The following OTUB1 variants were observed in gnomAD, a reference collection of about 807,000 sequenced individuals.
The protein encoded by OTUB1 is OTU deubiquitinase, ubiquitin aldehyde binding 1.
A neutral mutation model predicts 35.8 loss-of-function variants in OTUB1; 10 were observed. The ratio of observed to expected loss-of-function variants is 0.28; its 90% CI spans 0.17 to 0.47. The LOEUF (loss-of-function observed/expected upper bound fraction) is 0.47. OTUB1 is among the 20% of genes least tolerant of loss of function. The pLI is 0.99. For synonymous variants in OTUB1, 158 were observed against 143.8 expected, an observed-to-expected ratio of 1.10 and a Z score of -0.71; for missense variants, 264 against 351.6, an observed-to-expected ratio of 0.75 and a Z score of 1.99.
In OTUB1 at chr11:63,997,662, G is replaced by T. The variant is rs781187157; in HGVS notation, c.*116G>T. On this transcript the variant is annotated 3_prime_UTR_variant, in exon 7 of 7. Transcript: ENST00000538426. ...TTTCACCCCCTTCTTCCTGTCACAT[G>T]ACCCCCCCCCATGTTTTATTAAAGG... is the stretch of plus-strand genomic sequence containing the variant. The T allele has an allele frequency of 2.5e-6, 2 of 815,416 alleles. No homozygotes were observed. The highest frequency in any genetic ancestry group is 3.9e-5 in the Admixed American group (2 of 50,706). 50.5% of individuals were successfully genotyped at this position (815,416 alleles called of 1,614,324 possible).
At chr11:63,996,981 G>A (rs370557462) in intron 5 of OTUB1, 40 bp downstream of exon 5, 51 of 1,613,008 alleles carry the variant, frequency 3.2e-5, no homozygotes, top group African/African-American at 2.7e-4. Flanking sequence ...CCATGGGGGA[G>A]GGGTTCACCT....
intron 3 of OTUB1, among the ~76,000 whole-genome samples, chr11:63,990,916 A>AG (rs1223625120): frequency 1.3e-5 from 2 of 152,208 alleles, no homozygotes; most frequent in Non-Finnish European, 2.9e-5. Flanking sequence ...GAGAAGCCAG[A>AG]GGTAACCACA....
At chr11:63,991,421 A>T (rs992101263) in intron 3 of OTUB1, among the ~76,000 whole-genome samples, 1 of 152,198 alleles carries the variant, frequency 6.6e-6, no homozygotes, top group Non-Finnish European at 1.5e-5. Context: ...GCTGGGCCCC[A>T]GGTTCTTCCC....
intron 3 of OTUB1, among the ~76,000 whole-genome samples, chr11:63,992,660 C>T (rs1590780366): frequency 1.3e-5 from 2 of 152,162 alleles, no homozygotes; most frequent in Non-Finnish European, 2.9e-5. Context: ...AAGCAATTCT[C>T]CTGCCTCAGC....
chr11:63,993,797 A>C (rs527244612), intron 3 of OTUB1, among the ~76,000 whole-genome samples: 4 of 152,164 alleles, frequency 2.6e-5, no homozygotes, highest in Non-Finnish European at 4.4e-5. Flanking sequence ...GGCCTCCCAA[A>C]ACACTGGGAT....
intron 3 of OTUB1, among the ~76,000 whole-genome samples, chr11:63,995,492 A>G (rs1024123837): frequency 2.6e-5 from 4 of 151,968 alleles, no homozygotes; most frequent in Non-Finnish European, 5.9e-5. Flanking sequence ...CATCGCGCCC[A>G]GCCACTTATT....
At chr11:63,986,706 G>A in intron 1 of OTUB1, 192 bp downstream of exon 1, 1 of 561,614 alleles carries the variant, frequency 1.8e-6, no homozygotes, top group Non-Finnish European at 3.1e-6. Context: ...CCGGCCGGGA[G>A]GGAGCACGGG....
At chr11:63,994,321 C>A (rs995657697) in intron 3 of OTUB1, among the ~76,000 whole-genome samples, 2 of 152,086 alleles carry the variant, frequency 1.3e-5, no homozygotes, top group South Asian at 4.1e-4. Context: ...GGAGCGATCT[C>A]GGCTCACTGC....
intron 3 of OTUB1, among the ~76,000 whole-genome samples, chr11:63,992,978 G>A (rs780347353): frequency 2.6e-5 from 4 of 152,206 alleles, no homozygotes; most frequent in African/African-American, 9.6e-5. Flanking sequence ...GGGCCATCAC[G>A]CCAAGCCGAC....
chr11:63,989,833 G>A (rs1378802913), intron 3 of OTUB1: 1 of 151,794 alleles, frequency 6.6e-6, no homozygotes, highest in African/African-American at 2.4e-5. Flanking sequence ...AGACCACGGT[G>A]AAACCCCGTC....
At chr11:63,991,462 G>A (rs1565185129) in intron 3 of OTUB1, among the ~76,000 whole-genome samples, 1 of 152,322 alleles carries the variant, frequency 6.6e-6, no homozygotes, top group East Asian at 1.9e-4. Flanking sequence ...GATGTCCAGA[G>A]CATGCTGTCT....
intron 3 of OTUB1, among the ~76,000 whole-genome samples, chr11:63,992,640 T>A (rs577751936): frequency 3.2e-4 from 48 of 152,174 alleles, no homozygotes; most frequent in African/African-American, 1.0e-3. Flanking sequence ...AACCTCCACC[T>A]CCCGGGTTCA....
chr11:63,992,225 A>G (rs1942678848), intron 3 of OTUB1, among the ~76,000 whole-genome samples: 1 of 151,948 alleles, frequency 6.6e-6, no homozygotes, highest in Non-Finnish European at 1.5e-5. Flanking sequence ...AAAAAAAAAA[A>G]AGAGGGGATT....
intron 3 of OTUB1, chr11:63,989,740 A>C (rs1484006692): frequency 6.7e-6 from 1 of 148,458 alleles, no homozygotes; most frequent in Non-Finnish European, 1.5e-5. Context: ...AAAAAAAAAA[A>C]AAAGGCCTGG....
At position 63,989,080 on chromosome 11, in the gene OTUB1, G is replaced by T. The variant is rs371899590; in HGVS notation, c.219+328G>T. 6.4e-5 allele frequency: 14 copies of T among 217,882 alleles called. No homozygotes were observed. The East Asian group carries it at 7.7e-4, about 12-fold the overall frequency. 13.5% of individuals were successfully genotyped at this position (217,882 alleles called of 1,614,324 possible). A position where few individuals can be genotyped will look rare whatever the true frequency, so the allele number is the denominator to read the frequency against. ...CACGCCTGTAATCCCAGCGCTTTGG[G>T]AGGCCGAGGTGGGTGGATCCCCTGA... On this transcript the variant is annotated intron_variant, in intron 3 of 6. Transcript: ENST00000538426.
In OTUB1 at chr11:63,987,898, G is replaced by C. The variant is rs532197868; in HGVS notation, c.59-439G>C. ...GAGGAAGGGGGTGTCAGAGCTGAAA[G>C]AGCGCACCTTAGGGATACCACGGTG... On this transcript the variant is annotated intron_variant, in intron 1 of 6. Transcript: ENST00000538426. 2.0e-5 allele frequency among the ~76,000 whole-genome samples: 3 copies of C among 152,268 alleles called. No individual in the cohort carries two copies. The East Asian group carries it at 5.8e-4, about 29-fold the overall frequency.
At chr11:63,990,667 G>A (rs1942665456) in intron 3 of OTUB1, 1 of 152,138 alleles carries the variant, frequency 6.6e-6, no homozygotes, top group South Asian at 2.1e-4. Context: ...TAGGCTCAGT[G>A]TAGGTGTTTA....
At chr11:63,992,456 C>CGGGGG (rs1942681203) in intron 3 of OTUB1, among the ~76,000 whole-genome samples, 1 of 1,728 alleles carries the variant, frequency 5.8e-4, no homozygotes, top group African/African-American at 3.1e-3. Flanking sequence ...GGGAACTGAG[C>CGGGGG]GGGGCGGGGC....
Position 63,992,954 on chromosome 11 carries a change from G to A in OTUB1, c.220-3576G>A, listed in dbSNP as rs146422445. On this transcript the variant is annotated intron_variant, in intron 3 of 6. Transcript: ENST00000538426. ...ACCCACTTTGGCCTCCCAAAGTGCT[G>A]GGATTACAGGCCTGGGCCATCACGC... Among the ~76,000 whole-genome samples the A allele has an allele frequency of 2.3e-3, 343 of 152,346 alleles. 2 individuals are homozygous for A. The highest frequency in any genetic ancestry group is 8.1e-3 in the African/African-American group (336 of 41,578).
Sources: allele counts gnomAD v4.1 joint callset (sites outside exome capture counted in the v4.1 genomes callset), GRCh38; gene constraint gnomAD v4.1.1; transcripts MANE v1.5; gene names NCBI Gene and HGNC (gene_info 2026-07-23, HGNC 2026-07-21).